The following FOLR3 variants were observed in gnomAD, a reference collection of about 807,000 sequenced individuals.
FOLR3 encodes folate receptor gamma, also known as folate receptor 3 (gamma).
A neutral mutation model predicts 20.0 loss-of-function variants in FOLR3; 9 were observed. That is an observed-to-expected ratio of 0.45 (90% confidence interval 0.27 to 0.79). The LOEUF (loss-of-function observed/expected upper bound fraction) is 0.79. FOLR3 is among the 30% of genes least tolerant of loss of function. The pLI is 0.15. For missense variants in FOLR3, 309 were observed against 323.5 expected, an observed-to-expected ratio of 0.96 and a Z score of 0.34; for synonymous variants, 124 against 115.5, an observed-to-expected ratio of 1.07 and a Z score of -0.47.
At chr11:72,139,288 A>G in intron 3 of FOLR3, 59 bp from the exon 4 acceptor site, 1 of 1,582,504 alleles carries the variant, frequency 6.3e-7, no homozygotes, top group Admixed American at 1.8e-5. Context: ...GGTCCCCTTC[A>G]AGGGTAAAGC....
At chr11:72,137,174 T>C (rs1204686228) in intron 2 of FOLR3, among the ~76,000 whole-genome samples, 39 of 152,322 alleles carry the variant, frequency 2.6e-4, no homozygotes, top group Admixed American at 2.5e-3. Flanking sequence ...CCAGAAATTT[T>C]ATGCAATTGA....
chr11:72,135,935 G>A lies in FOLR3; in HGVS notation c.-6-12G>A. ...CAGGCCTTGTCTACCTCTGACTGTG[G>A]CTCTCTGGCAGGAATAGATGGACAT... On this transcript the variant is annotated splice_polypyrimidine_tract_variant and intron_variant, in intron 1 of 4. Coordinates refer to ENST00000611028, the MANE Select transcript of FOLR3 (RefSeq NM_000804.4). The A allele has an allele frequency of 3.1e-6, 5 of 1,608,132 alleles. No individual in the cohort carries two copies. Among genetic ancestry groups the A allele is most frequent in the Non-Finnish European group, 4.3e-6 (5 of 1,176,134 alleles).
intron 2 of FOLR3, among the ~76,000 whole-genome samples, chr11:72,137,674 A>T (rs776152971): frequency 6.6e-6 from 1 of 151,902 alleles, no homozygotes; most frequent in Non-Finnish European, 1.5e-5. Flanking sequence ...TGGTATTTTT[A>T]GTAGAGACAG....
chr11:72,137,994 C>A (rs1169881006), intron 2 of FOLR3, among the ~76,000 whole-genome samples: 1 of 152,094 alleles, frequency 6.6e-6, no homozygotes, highest in Admixed American at 6.5e-5. Flanking sequence ...GTTCCTAGGA[C>A]CTAGCACAGT....
At chr11:72,136,288 A>C (rs1427650911) in intron 2 of FOLR3, among the ~76,000 whole-genome samples, 168 bp downstream of exon 2, 2 of 152,168 alleles carry the variant, frequency 1.3e-5, no homozygotes, top group Admixed American at 6.5e-5. Context: ...AGCTTGGGGA[A>C]TATGAGCTCC....
chr11:72,139,649 G>C lies in FOLR3; in HGVS notation c.556G>C (p.Ala186Pro), dbSNP rs751542660. ...CTTTGAGTCCTACTTCCCCACTCCAGCCGCCCTTTGTGAAGGCCTCTGGAG... is the reference window on the plus strand; with the variant it reads ...CTTTGAGTCCTACTTCCCCACTCCACCCGCCCTTTGTGAAGGCCTCTGGAG... ...STFESYFPTP[A>P]ALCEGLWSHS... is the part of the protein sequence containing the mutation. The change falls in exon 5 of 5, where the codon GCC (alanine) becomes CCC (proline). Residue 186 changes from alanine to proline, a missense_variant. Coordinates refer to ENST00000611028, the MANE Select transcript of FOLR3 (RefSeq NM_000804.4). 8.7e-6 allele frequency: 14 copies of C among 1,613,438 alleles called. No homozygotes were observed. The East Asian group carries it at 3.1e-4, about 36-fold the overall frequency.
In FOLR3 at chr11:72,139,364, C is replaced by T. The variant is rs532740797; in HGVS notation, c.375C>T (p.Arg125=). 5 of 1,611,836 alleles carry T rather than the reference C, an allele frequency of 3.1e-6. No individual in the cohort carries two copies. The South Asian group carries it at 5.5e-5, about 18-fold the overall frequency. Residue 125 remains arginine (R), a synonymous_variant, in exon 4 of 5, where the codon CGC becomes CGT. Coordinates refer to ENST00000611028, the MANE Select transcript of FOLR3 (RefSeq NM_000804.4). The part of the protein sequence containing the change: ...PWIRQVNQSW[R]KERILNVPLC... ...CCACTCAGGTCAACCAGAGCTGGCG[C>T]AAAGAGCGCATTCTGAACGTGCCCC... is the stretch of plus-strand genomic sequence containing the variant.
intron 2 of FOLR3, among the ~76,000 whole-genome samples, chr11:72,137,960 G>A (rs530058742): frequency 6.6e-6 from 1 of 152,216 alleles, no homozygotes; most frequent in Non-Finnish European, 1.5e-5. Flanking sequence ...GGGTAGAGGT[G>A]TTATTTGTTT....
rs192278819 is a variant in FOLR3 at position 72,138,523 on chromosome 11, C to T, written c.169-438C>T. 5.3e-5 allele frequency among the ~76,000 whole-genome samples: 8 copies of T among 152,204 alleles called. No individual in the cohort carries two copies. In the East Asian group the frequency reaches 9.7e-4, roughly 18 times the overall value. On this transcript the variant is annotated intron_variant, in intron 2 of 4. Transcript: ENST00000611028. ...AAAATTAAGCAGGCATGGTGGCTCA[C>T]GCCTCTAATCTTAGTATTTTGGGAA...
rs1461247999 is a variant in FOLR3 at position 72,139,482 on chromosome 11, G to A, written c.493G>A (p.Gly165Arg). The change falls in exon 4 of 5, where the codon GGG becomes AGG. Residue 165 changes from glycine (G) to arginine (R), a missense_variant and splice_region_variant. Gly to Arg is a moderately radical substitution (Grantham distance 125, BLOSUM62 -2). Transcript: ENST00000611028. ...GCACAAAGGCTGGAATTGGACCTCA[G>A]GTGAGGACCTGAGGAGATAAGATGA... is the stretch of plus-strand genomic sequence containing the variant. ...NWHKGWNWTS[G>R]INECPAGALC... 6 of 1,613,940 alleles carry A rather than the reference G, an allele frequency of 3.7e-6. No homozygotes were observed. Among genetic ancestry groups the A allele is most frequent in the Non-Finnish European group, 8.5e-7 (1 of 1,179,834 alleles).
At position 72,139,423 on chromosome 11, in the gene FOLR3, A is replaced by G. The variant is rs778739046; in HGVS notation, c.434A>G (p.Asp145Gly). The stretch of plus-strand genomic sequence containing the variant: ...GAGGACTGTGAGCGCTGGTGGGAGG[A>G]CTGTCGCACCTCCTACACCTGCAAA... ...CKEDCERWWEDCRTSYTCKSN... is the reference protein window; with the variant it reads ...CKEDCERWWEGCRTSYTCKSN... Residue 145 changes from aspartate to glycine, a missense_variant, in exon 4 of 5, where the codon GAC becomes GGC. By Grantham distance (94) the Asp-to-Gly change is moderately conservative. Transcript: ENST00000611028. 4.2e-5 allele frequency: 67 copies of G among 1,612,262 alleles called. No individual in the cohort carries two copies. Among genetic ancestry groups the G allele is most frequent in the Non-Finnish European group, 5.6e-5 (66 of 1,179,096 alleles).
chr11:72,136,160 A>G, intron 2 of FOLR3, 40 bp downstream of exon 2: 1 of 1,606,782 alleles, frequency 6.2e-7, no homozygotes, highest in East Asian at 2.2e-5. Context: ...CACACAGGTC[A>G]GAGGGTGATG....
Position 72,139,035 on chromosome 11 carries a change from G to A in FOLR3, c.243G>A (p.Leu81=), listed in dbSNP as rs369668502. ...SQELHKDTSR[L]YNFNWDHCGK... ...AGCTGCACAAGGACACCTCCCGCCT[G>A]TACAACTTTAACTGGGATCACTGTG... Residue 81 remains leucine, a synonymous_variant, in exon 3 of 5, where the codon CTG becomes CTA. Transcript: ENST00000611028. The A allele has an allele frequency of 1.8e-4, 294 of 1,614,050 alleles. No homozygotes were observed. Among genetic ancestry groups the A allele is most frequent in the Non-Finnish European group, 2.3e-4 (271 of 1,179,904 alleles).
intron 2 of FOLR3, 90 bp downstream of exon 2, chr11:72,136,210 G>A (rs1006360781): frequency 1.8e-5 from 27 of 1,489,848 alleles, no homozygotes; most frequent in Non-Finnish European, 2.4e-5. Flanking sequence ...AGAACCAAGG[G>A]TGCCGCTGCT....
intron 2 of FOLR3, among the ~76,000 whole-genome samples, chr11:72,136,724 C>A (rs1453335199): frequency 2.0e-5 from 3 of 152,178 alleles, no homozygotes; most frequent in Admixed American, 1.3e-4. Context: ...GCACATCCTC[C>A]TTGCCAGGAA....
intron 4 of FOLR3, 40 bp downstream of exon 4, chr11:72,139,522 G>C (rs1947789973): frequency 6.2e-7 from 1 of 1,613,054 alleles, no homozygotes; most frequent in African/African-American, 1.3e-5. Context: ...TGGGAGTGGG[G>C]CTTTGGGGTT....
At position 72,136,025 on chromosome 11, in the gene FOLR3, A is replaced by G. The variant is rs757326801; in HGVS notation, c.73A>G (p.Arg25Gly). 2 of 1,613,926 alleles carry G rather than the reference A, an allele frequency of 1.2e-6. No homozygotes were observed. Among genetic ancestry groups the G allele is most frequent in the African/African-American group, 2.7e-5 (2 of 75,036 alleles). ...GACTGCTGCGGGGAGTGCCCAGCCCAGGAGTGCGCGGGCCAGGACGGACCT... is the reference window on the plus strand; with the variant it reads ...GACTGCTGCGGGGAGTGCCCAGCCCGGGAGTGCGCGGGCCAGGACGGACCT... Reference protein sequence around the residue: ...LVTAAGSAQPRSARARTDLLN... With the variant: ...LVTAAGSAQPGSARARTDLLN... Residue 25 changes from arginine (R) to glycine (G), a missense_variant, in exon 2 of 5, where the codon AGG (arginine) becomes GGG (glycine). Arg to Gly is a moderately radical substitution (Grantham distance 125, BLOSUM62 -2). Transcript: ENST00000611028.
chr11:72,138,236 C>T (rs1172289192), intron 2 of FOLR3, among the ~76,000 whole-genome samples: 7 of 151,894 alleles, frequency 4.6e-5, no homozygotes, highest in East Asian at 3.9e-4. Flanking sequence ...CATGGTGGCA[C>T]GTGCCTGTAA....
chr11:72,138,328 T>C (rs1188278695), intron 2 of FOLR3, among the ~76,000 whole-genome samples: 1 of 152,086 alleles, frequency 6.6e-6, no homozygotes, highest in Non-Finnish European at 1.5e-5. Context: ...ATCACGCCAC[T>C]GCACTCCAGT....
Sources: allele counts gnomAD v4.1 joint callset (sites outside exome capture counted in the v4.1 genomes callset), GRCh38; gene constraint gnomAD v4.1.1; transcripts MANE v1.5; gene names NCBI Gene and HGNC (gene_info 2026-07-23, HGNC 2026-07-21).